Variants in STOX2 observed in about 807,000 individuals in gnomAD.
STOX2 encodes the protein storkhead box 2.
A neutral mutation model predicts 60.9 loss-of-function variants in STOX2; 28 were observed. The ratio of observed to expected loss-of-function variants is 0.46; its 90% CI spans 0.34 to 0.63. The LOEUF is 0.63. STOX2 is among the 30% of genes least tolerant of loss of function. The pLI is 0.01. For missense variants in STOX2, 1,024 were observed against 1,187.7 expected (o/e 0.86, Z 2.03); for synonymous variants, 472 against 463.9 (o/e 1.02, Z -0.22).
intron 1 of STOX2, among the ~76,000 whole-genome samples, chr4:183,941,791 A>G (rs73002627): frequency 0.011 from 1,673 of 152,326 alleles, 22 homozygotes; most frequent in African/African-American, 0.038. Context: ...TAGAAGAAAC[A>G]CAGAGATGAC....
intron 1 of STOX2, among the ~76,000 whole-genome samples, chr4:183,826,503 C>T (rs58703160): frequency 6.6e-6 from 1 of 152,238 alleles, no homozygotes; most frequent in Non-Finnish European, 1.5e-5. Context: ...TGTAACCTCT[C>T]TGCTTTCCAT....
chr4:184,018,803 A>G lies in STOX2; in HGVS notation c.*1519A>G, dbSNP rs2111265791. 6.6e-6 allele frequency: 1 copy of G among 152,282 alleles called. No individual in the cohort carries two copies. Among genetic ancestry groups the G allele is most frequent in the East Asian group, 1.9e-4 (1 of 5,186 alleles). The allele number at this position is 152,282 out of a possible 1,614,324, so 9.4% of individuals were successfully genotyped here. A position where few individuals can be genotyped will look rare whatever the true frequency, so the allele number is the denominator to read the frequency against. On this transcript the variant is annotated 3_prime_UTR_variant, in exon 4 of 4. Coordinates refer to ENST00000308497, the MANE Select transcript of STOX2 (RefSeq NM_020225.3). The stretch of plus-strand genomic sequence containing the variant: ...TGTTTTATTTTCTGAGAACAGTGGG[A>G]CAGATCTGTAGTAATGGAATATTAT...
At chr4:183,822,011 T>C (rs368145229) in intron 1 of STOX2, among the ~76,000 whole-genome samples, 1 of 151,770 alleles carries the variant, frequency 6.6e-6, no homozygotes, top group African/African-American at 2.4e-5. Flanking sequence ...TGGCTGGGGG[T>C]GCCTAGGTCT....
intron 1 of STOX2, among the ~76,000 whole-genome samples, chr4:183,826,039 CAGACTCATCGG>C (rs569800925): frequency 6.6e-6 from 1 of 152,242 alleles, no homozygotes; most frequent in African/African-American, 2.4e-5. Context: ...TAGTGCACAA[CAGACTCATCGG>C]GAAACAGGTT....
chr4:183,843,179 A>AAAGAAT (rs1739908404), intron 1 of STOX2, among the ~76,000 whole-genome samples: 1 of 151,982 alleles, frequency 6.6e-6, no homozygotes, highest in Non-Finnish European at 1.5e-5. Flanking sequence ...AGAAAAAGAA[A>AAAGAAT]AAGAAAAATG....
chr4:183,819,559 GGGGAGAGGGAGAGGGGGAGGGGGA>G, intron 1 of STOX2, among the ~76,000 whole-genome samples: 1 of 141,738 alleles, frequency 7.1e-6, no homozygotes, highest in Non-Finnish European at 1.5e-5. Flanking sequence ...GGGAGACTGT[GGGGAGAGGGAGAGGGGGAGGGGGA>G]GGGAGAGGGA....
rs1455232956 is a variant in STOX2, at chr4:184,010,121, A to G, written c.1283A>G (p.Asn428Ser). 1 of 1,582,416 alleles carries G rather than the reference A, an allele frequency of 6.3e-7. No individual in the cohort carries two copies. The highest frequency in any genetic ancestry group is 1.8e-5 in the Admixed American group (1 of 54,474). The stretch of plus-strand genomic sequence containing the variant: ...AACTTCATCATGCACAGCAACACAA[A>G]CGTGCTCGAGTCCCACTTCCCCATG... Reference protein sequence around the residue: ...GDNFIMHSNTNVLESHFPMTP... With the variant: ...GDNFIMHSNTSVLESHFPMTP... The change falls in exon 3 of 4, where the codon AAC becomes AGC. Residue 428 changes from asparagine (N) to serine (S), a missense_variant. Coordinates refer to ENST00000308497, the MANE Select transcript of STOX2 (RefSeq NM_020225.3). This position sits in a 1 kb window ranked among gnomAD's most constrained non-coding sequence, Gnocchi z 4.5.
chr4:183,871,177 T>C (rs1740680346), intron 1 of STOX2, among the ~76,000 whole-genome samples: 1 of 152,188 alleles, frequency 6.6e-6, no homozygotes, highest in African/African-American at 2.4e-5. Context: ...TTCCTTGCAG[T>C]GAGACCTGCT....
At chr4:183,957,872 A>G (rs11937179) in intron 1 of STOX2, among the ~76,000 whole-genome samples, 53,954 of 126,492 alleles carry the variant, frequency 0.43, 10,522 homozygotes, top group African/African-American at 0.6. Context: ...GGGGATGATA[A>G]AATGGTATTT....
chr4:183,820,838 G>A (rs766777397), intron 1 of STOX2, among the ~76,000 whole-genome samples: 2 of 152,092 alleles, frequency 1.3e-5, no homozygotes, highest in Non-Finnish European at 2.9e-5. Flanking sequence ...GGCAGAGCAC[G>A]GTGGTTAACT....
intron 1 of STOX2, among the ~76,000 whole-genome samples, chr4:183,879,219 C>T (rs1487446917): frequency 6.6e-6 from 1 of 152,208 alleles, no homozygotes; most frequent in South Asian, 2.1e-4. Flanking sequence ...GAAGGCATGT[C>T]CCCGGGCTCA....
In STOX2 at chr4:183,832,318, T is replaced by A. The variant is rs538829894; in HGVS notation, c.364+34263T>A. Among the ~76,000 whole-genome samples the A allele has an allele frequency of 1.8e-4, 28 of 151,964 alleles. 2 individuals carry two copies. The South Asian group carries it at 3.3e-3, about 18-fold the overall frequency. On this transcript the variant is annotated intron_variant, in intron 1 of 2. Coordinates refer to the STOX2 transcript ENST00000513034. ...GAGCTCATTCATTTCTATTTGTTTCTGAAAGCAGGGACTCTAAATATTACT... is the reference window on the plus strand; with the variant it reads ...GAGCTCATTCATTTCTATTTGTTTCAGAAAGCAGGGACTCTAAATATTACT...
chr4:183,871,833 C>A (rs1302869633), intron 1 of STOX2, among the ~76,000 whole-genome samples: 1 of 151,656 alleles, frequency 6.6e-6, no homozygotes, highest in Non-Finnish European at 1.5e-5. Context: ...TCTTATGAAA[C>A]ATTCAATACC....
At position 184,001,334 on chromosome 4, in the gene STOX2, C is replaced by T. The variant is rs1287107166; in HGVS notation, c.176C>T (p.Ser59Leu). ...AATTGTCTTTCTGCAGGTGATGTAT[C>T]ACCCATCAGTATGTCTCCCATCAGT... ...SRGYMTSGDV[S>L]PISMSPISQS... The change falls in exon 2 of 4, where the codon TCA (serine) becomes TTA (leucine). Residue 59 changes from serine (S) to leucine (L), a missense_variant. By Grantham distance (145) the Ser-to-Leu change is moderately radical (BLOSUM62 -2). Transcript: ENST00000308497. This position sits in a 1 kb window ranked among gnomAD's most constrained non-coding sequence, Gnocchi z 4.2. The T allele has an allele frequency of 3.1e-6, 5 of 1,613,724 alleles. No individual in the cohort carries two copies. The highest frequency in any genetic ancestry group is 3.4e-6 in the Non-Finnish European group (4 of 1,179,730).
chr4:183,937,594 C>T (rs1167877274), intron 1 of STOX2, among the ~76,000 whole-genome samples: 1 of 152,172 alleles, frequency 6.6e-6, no homozygotes, highest in African/African-American at 2.4e-5. Context: ...TGATATTTCA[C>T]CAACATCCAA....
intron 1 of STOX2, among the ~76,000 whole-genome samples, chr4:183,827,753 G>A (rs917765195): frequency 6.6e-6 from 1 of 151,606 alleles, no homozygotes; most frequent in African/African-American, 2.4e-5. Context: ...GTGGTGTCAC[G>A]TGTCTGTAGT....
At chr4:183,970,742 C>T (rs752107138) in intron 1 of STOX2, among the ~76,000 whole-genome samples, 16 of 152,188 alleles carry the variant, frequency 1.1e-4, no homozygotes, top group Non-Finnish European at 1.9e-4. Flanking sequence ...TCATTTGGGT[C>T]GAGTAAGAAA....
chr4:183,971,599 A>G (rs1042262581), intron 1 of STOX2, among the ~76,000 whole-genome samples: 2 of 152,220 alleles, frequency 1.3e-5, no homozygotes, highest in Non-Finnish European at 2.9e-5. Context: ...AGTCACCCAT[A>G]TCTGTCCACT....
At chr4:183,823,849 C>T (rs529829516) in intron 1 of STOX2, among the ~76,000 whole-genome samples, 8 of 152,216 alleles carry the variant, frequency 5.3e-5, no homozygotes, top group Admixed American at 1.3e-4. Context: ...TCCTCTAGGG[C>T]GGGGATTTTG....
Sources: allele counts gnomAD v4.1 joint callset (sites outside exome capture counted in the v4.1 genomes callset), GRCh38; gene constraint gnomAD v4.1.1; non-coding constraint Gnocchi (gnomAD v3.1); transcripts MANE v1.5; gene names NCBI Gene and HGNC (gene_info 2026-07-23, HGNC 2026-07-21).